BCAS3: variants seen among roughly 807,000 people sequenced by gnomAD.
BCAS3 encodes BCAS4/BCAS3 fusion.
BCAS3 carries 53 observed loss-of-function variants against 116.1 expected under a neutral mutation model. The ratio of observed to expected loss-of-function variants is 0.46; its 90% CI spans 0.37 to 0.57. The LOEUF (loss-of-function observed/expected upper bound fraction) is 0.57, where lower values mean the gene tolerates loss of function less well. Ranked by LOEUF, BCAS3 falls within the 20% of genes least tolerant of loss-of-function variation. The pLI, the probability that BCAS3 is intolerant of heterozygous loss-of-function variation, is 0.00. For synonymous variants in BCAS3, 391 were observed against 408.2 expected, an observed-to-expected ratio of 0.96 and a Z score of 0.51; for missense variants, 917 against 1,165.4, an observed-to-expected ratio of 0.79 and a Z score of 3.10.
chr17:61,127,922 A>G (rs950365035), intron 22 of BCAS3, among the ~76,000 whole-genome samples: 1 of 151,952 alleles, frequency 6.6e-6, no homozygotes, highest in Non-Finnish European at 1.5e-5. Flanking sequence ...TAAGGAGTAC[A>G]TACTTGAAAT....
chr17:61,274,592 C>G lies in BCAS3; in HGVS notation c.2426-93735C>G, dbSNP rs143170300. ...GTGTGAGCCACTGTGCCGGCCTGAACATGTTTTTAATAGCTGTTTGAACTT... is the reference window on the plus strand; with the variant it reads ...GTGTGAGCCACTGTGCCGGCCTGAAGATGTTTTTAATAGCTGTTTGAACTT... On this transcript the variant is annotated intron_variant, in intron 22 of 23. Coordinates refer to ENST00000407086, the MANE Select transcript of BCAS3 (RefSeq NM_017679.5). Among the ~76,000 whole-genome samples the G allele has an allele frequency of 1.3e-3, 194 of 152,090 alleles. No individual in the cohort carries two copies. The Middle Eastern group carries it at 0.017, about 13-fold the overall frequency.
chr17:60,916,918 T>C (rs2058808496), intron 12 of BCAS3, among the ~76,000 whole-genome samples: 1 of 152,206 alleles, frequency 6.6e-6, no homozygotes, highest in Non-Finnish European at 1.5e-5. Context: ...GAAAAAGATA[T>C]ACCTGTGGCT....
At chr17:60,840,166 CA>C (rs2051766366) in intron 7 of BCAS3, among the ~76,000 whole-genome samples, 2 of 151,852 alleles carry the variant, frequency 1.3e-5, no homozygotes, top group South Asian at 2.1e-4. Context: ...AGATGAGAGA[CA>C]AAATTTAAAT....
rs1320771431 is a variant in BCAS3, at chr17:61,041,184, G to GA, written c.2029+296dup. On this transcript the variant is annotated intron_variant, in intron 19 of 23. Coordinates refer to ENST00000407086, the MANE Select transcript of BCAS3 (RefSeq NM_017679.5). This position sits in a 1 kb window ranked among gnomAD's most constrained non-coding sequence, Gnocchi z 4.7. ...CAAACAAACATAAAAACCACCACCT[G>GA]AAAATGCTAGGATATAATAAAAAGT... 1.3e-5 allele frequency among the ~76,000 whole-genome samples: 2 copies of GA among 151,582 alleles called. No homozygotes were observed. Among genetic ancestry groups the GA allele is most frequent in the Non-Finnish European group, 2.9e-5 (2 of 67,956 alleles).
At chr17:60,721,438 C>A (rs1598292770) in intron 5 of BCAS3, among the ~76,000 whole-genome samples, 1 of 152,160 alleles carries the variant, frequency 6.6e-6, no homozygotes, top group South Asian at 2.1e-4. Context: ...ATTAAAATAT[C>A]TTTTCCTGTA....
chr17:60,905,893 G>A (rs944317549), intron 11 of BCAS3, among the ~76,000 whole-genome samples: 7 of 152,220 alleles, frequency 4.6e-5, no homozygotes, highest in Non-Finnish European at 1.0e-4. Flanking sequence ...CATAGCATGT[G>A]TAGAGGCTGG....
At chr17:60,799,529 T>TTTG (rs1419684359) in intron 6 of BCAS3, among the ~76,000 whole-genome samples, 1 of 128,220 alleles carries the variant, frequency 7.8e-6, no homozygotes, top group Non-Finnish European at 1.6e-5. Flanking sequence ...TGTTTGTTTT[T>TTTG]TTTTTTTTTT....
chr17:61,101,633 A>G (rs2143665545), intron 22 of BCAS3, among the ~76,000 whole-genome samples: 1 of 152,270 alleles, frequency 6.6e-6, no homozygotes, highest in South Asian at 2.1e-4. Flanking sequence ...GTACACTACA[A>G]TATTTATTAC....
chr17:61,082,487 C>T lies in BCAS3; in HGVS notation c.2328-1980C>T, dbSNP rs1240353760. On this transcript the variant is annotated intron_variant, in intron 21 of 23. Coordinates refer to ENST00000407086, the MANE Select transcript of BCAS3 (RefSeq NM_017679.5). The surrounding 1 kb of genome is among the most constrained non-coding windows in gnomAD (Gnocchi z 5.1). ...TGGCCAATCTTGCTTCATCTGTAGC[C>T]CCATTCACACCCTACCTCCAACTCT... is the stretch of plus-strand genomic sequence containing the variant. Among the ~76,000 whole-genome samples, 1 of 152,062 alleles carries T rather than the reference C, an allele frequency of 6.6e-6. No individual in the cohort carries two copies. Among genetic ancestry groups the T allele is most frequent in the Non-Finnish European group, 1.5e-5 (1 of 68,006 alleles).
At chr17:60,841,967 G>A (rs1041890398) in intron 7 of BCAS3, among the ~76,000 whole-genome samples, 1 of 152,138 alleles carries the variant, frequency 6.6e-6, no homozygotes, top group Non-Finnish European at 1.5e-5. Flanking sequence ...GCCTTTCGAG[G>A]TGCTGGAAAT....
At chr17:60,959,908 C>G (rs1021749698) in intron 14 of BCAS3, among the ~76,000 whole-genome samples, 2 of 152,210 alleles carry the variant, frequency 1.3e-5, no homozygotes, top group African/African-American at 2.4e-5. Flanking sequence ...AGCCACATCA[C>G]TCAGTCTCTG....
At chr17:60,765,221 G>A (rs2043967923) in intron 6 of BCAS3, among the ~76,000 whole-genome samples, 1 of 152,144 alleles carries the variant, frequency 6.6e-6, no homozygotes, top group African/African-American at 2.4e-5. Context: ...GTGTGAATAT[G>A]ATCCTGTCAT....
intron 15 of BCAS3, among the ~76,000 whole-genome samples, chr17:60,991,235 C>T (rs1433693942): frequency 6.6e-6 from 1 of 152,088 alleles, no homozygotes; most frequent in African/African-American, 2.4e-5. Flanking sequence ...TCTTTGGCTT[C>T]TTTAACATTA....
chr17:61,329,346 T>A (rs187614636), intron 22 of BCAS3, among the ~76,000 whole-genome samples: 7,323 of 124,658 alleles, frequency 0.059, 376 homozygotes, highest in Admixed American at 0.15. Flanking sequence ...TATTATTATT[T>A]TTTTTTTTTT....
At chr17:60,940,734 G>A (rs1018439573) in intron 13 of BCAS3, among the ~76,000 whole-genome samples, 1 of 152,152 alleles carries the variant, frequency 6.6e-6, no homozygotes, top group Non-Finnish European at 1.5e-5. Flanking sequence ...CTGAATTCCT[G>A]TAAACATTTC....
intron 22 of BCAS3, among the ~76,000 whole-genome samples, chr17:61,232,068 G>T (rs938374505): frequency 2.0e-5 from 3 of 148,610 alleles, no homozygotes; most frequent in Non-Finnish European, 3.0e-5. Context: ...AGCTAGGCGT[G>T]ATGGTGGGCA....
rs1366828521 is a variant in BCAS3 at position 60,910,642 on chromosome 17, G to A, written c.933G>A (p.Arg311=). 1 of 1,613,544 alleles carries A rather than the reference G, an allele frequency of 6.2e-7. No homozygotes were observed. The highest frequency in any genetic ancestry group is 1.1e-5 in the South Asian group (1 of 91,020). ...TTGCCATCCACAGTAATTCACGGCG[G>A]AGTCCTTTGGTCCCAGGCATCATCA... ...DDVAIHSNSR[R]SPLVPGIITV... The change falls in exon 12 of 24, where the codon CGG becomes CGA. Residue 311 remains arginine (R), a synonymous_variant. Transcript: ENST00000407086.
At chr17:60,710,603 T>C (rs888338593) in intron 5 of BCAS3, among the ~76,000 whole-genome samples, 1 of 151,904 alleles carries the variant, frequency 6.6e-6, no homozygotes, top group Non-Finnish European at 1.5e-5. Context: ...GGCTAATTTT[T>C]TGTATTTTTA....
chr17:61,369,714 G>T (rs1034141251), intron 23 of BCAS3, among the ~76,000 whole-genome samples: 1 of 152,236 alleles, frequency 6.6e-6, no homozygotes, highest in Non-Finnish European at 1.5e-5. Context: ...AACGATAGGT[G>T]CAAGGGAGGA....
Sources: allele counts gnomAD v4.1 joint callset (sites outside exome capture counted in the v4.1 genomes callset), GRCh38; gene constraint gnomAD v4.1.1; non-coding constraint Gnocchi (gnomAD v3.1); transcripts MANE v1.5; gene names NCBI Gene and HGNC (gene_info 2026-07-23, HGNC 2026-07-21).